CASC3: variants seen among roughly 807,000 people sequenced by gnomAD.
The protein encoded by CASC3 is protein CASC3.
CASC3 carries 30 observed loss-of-function variants against 80.5 expected under a neutral mutation model. The ratio of observed to expected loss-of-function variants is 0.37; its 90% CI spans 0.28 to 0.51. The LOEUF is 0.51. Ranked by LOEUF, CASC3 falls within the 20% of genes least tolerant of loss-of-function variation. The pLI is 0.94. For synonymous variants in CASC3, 312 were observed against 333.6 expected (o/e 0.94, Z 0.70); for missense variants, 824 against 922.2 (o/e 0.89, Z 1.38).
chr17:40,171,772 G>A lies in CASC3; in HGVS notation c.*1367G>A, dbSNP rs1039921490. ...GAACCTGAGGGCAAAGATGGTGGCT[G>A]TGTCTCTCCCCGGTAATGTCACTGT... On this transcript the variant is annotated 3_prime_UTR_variant, in exon 14 of 14. Coordinates refer to ENST00000264645, the MANE Select transcript of CASC3 (RefSeq NM_007359.5). 2 of 1,160,542 alleles carry A rather than the reference G, an allele frequency of 1.7e-6. No homozygotes were observed. Among genetic ancestry groups the A allele is most frequent in the South Asian group, 1.8e-5 (1 of 55,608 alleles). 71.9% of individuals were successfully genotyped at this position (1,160,542 alleles called of 1,614,324 possible).
At chr17:40,165,373 T>A (rs1043505541) in intron 7 of CASC3, among the ~76,000 whole-genome samples, 1 of 152,128 alleles carries the variant, frequency 6.6e-6, no homozygotes, top group Non-Finnish European at 1.5e-5. Context: ...CCCAGCTAAT[T>A]TTTAAAAAAT....
chr17:40,169,581 C>T lies in CASC3; in HGVS notation c.2089-17C>T. ...TTTGTTATGACCTGATAACAAATTC[C>T]AACTTTGTTATTTCAGGTTGTAAGC... On this transcript the variant is annotated splice_polypyrimidine_tract_variant and intron_variant, in intron 12 of 13. Transcript: ENST00000264645. 1.3e-6 allele frequency: 2 copies of T among 1,591,718 alleles called. No individual in the cohort carries two copies. Among genetic ancestry groups the T allele is most frequent in the Non-Finnish European group, 1.7e-6 (2 of 1,170,682 alleles).
intron 3 of CASC3, among the ~76,000 whole-genome samples, chr17:40,147,311 C>T (rs887903579): frequency 2.0e-5 from 3 of 152,218 alleles, no homozygotes; most frequent in South Asian, 4.2e-4. Context: ...GTACTAACAA[C>T]CCCTTCATTG....
chr17:40,172,113 G>T lies in CASC3; in HGVS notation c.*1708G>T. On this transcript the variant is annotated 3_prime_UTR_variant, in exon 14 of 14. Coordinates refer to ENST00000264645, the MANE Select transcript of CASC3 (RefSeq NM_007359.5). ...GTGTTTTTTGTTACTGTTTTAAAGG[G>T]TGCCCATTTGTGATCAGCATTGTGA... 2 of 1,289,924 alleles carry T rather than the reference G, an allele frequency of 1.6e-6. No homozygotes were observed. The highest frequency in any genetic ancestry group is 2.0e-6 in the Non-Finnish European group (2 of 988,848). The allele number at this position is 1,289,924 out of a possible 1,614,324, so 79.9% of individuals were successfully genotyped here.
chr17:40,164,271 T>A, intron 7 of CASC3, 105 bp downstream of exon 7: 5 of 979,868 alleles, frequency 5.1e-6, no homozygotes, highest in Non-Finnish European at 7.3e-6. Context: ...AATGTCTACT[T>A]CTTTTTTTTT....
At chr17:40,159,856 C>G (rs1598427565) in intron 3 of CASC3, among the ~76,000 whole-genome samples, 1 of 151,082 alleles carries the variant, frequency 6.6e-6, no homozygotes, top group African/African-American at 2.4e-5. Flanking sequence ...GCTGGGATTA[C>G]AAATTCATGC....
intron 3 of CASC3, among the ~76,000 whole-genome samples, chr17:40,146,760 A>G (rs906810973): frequency 6.6e-6 from 1 of 151,642 alleles, no homozygotes; most frequent in African/African-American, 2.4e-5. Context: ...TTTTAAAAAT[A>G]TTTTTAATAG....
At chr17:40,149,912 C>CA (rs1248007969) in intron 3 of CASC3, among the ~76,000 whole-genome samples, 5 of 143,838 alleles carry the variant, frequency 3.5e-5, no homozygotes, top group African/African-American at 1.3e-4. Context: ...GACTCCGTCT[C>CA]AAAAAAAAGG....
rs761471854 is a variant in CASC3 at position 40,161,745 on chromosome 17, T to G, written c.298-8T>G. ...TATATGCATCGCTGACAGGGAAACTTTTTTCAGGGTGAAGAAGGTGAATAC... is the reference window on the plus strand; with the variant it reads ...TATATGCATCGCTGACAGGGAAACTGTTTTCAGGGTGAAGAAGGTGAATAC... On this transcript the variant is annotated splice_polypyrimidine_tract_variant and splice_region_variant and intron_variant, in intron 3 of 13. Transcript: ENST00000264645. 18 of 1,613,458 alleles carry G rather than the reference T, an allele frequency of 1.1e-5. No homozygotes were observed. The highest frequency in any genetic ancestry group is 1.5e-5 in the Non-Finnish European group (18 of 1,179,786).
At chr17:40,150,044 AG>A (rs1435341145) in intron 3 of CASC3, among the ~76,000 whole-genome samples, 1 of 152,118 alleles carries the variant, frequency 6.6e-6, no homozygotes, top group Non-Finnish European at 1.5e-5. Context: ...TGGGAAGGAA[AG>A]GAAGTTAGCG....
At chr17:40,142,038 A>AT (rs1449048514) in intron 3 of CASC3, among the ~76,000 whole-genome samples, 2 of 152,026 alleles carry the variant, frequency 1.3e-5, no homozygotes, top group African/African-American at 4.8e-5. Context: ...ATAGGTGGGG[A>AT]TTTTTCTGTT....
intron 3 of CASC3, among the ~76,000 whole-genome samples, chr17:40,160,129 CT>C (rs1211032998): frequency 6.6e-6 from 1 of 152,104 alleles, no homozygotes; most frequent in Non-Finnish European, 1.5e-5. Context: ...AATTTCTGCT[CT>C]AAGCCATTTT....
chr17:40,169,230 C>G (rs1364559924), intron 11 of CASC3, 94 bp from the exon 12 acceptor site: 4 of 1,247,732 alleles, frequency 3.2e-6, no homozygotes, highest in Non-Finnish European at 4.2e-6. Context: ...TATAAATTCC[C>G]CAATTCTCTT....
chr17:40,163,834 C>T lies in CASC3; in HGVS notation c.1139C>T (p.Ala380Val). ...VLGSPEKEEA[A>V]SEPPAAAPDA... Reference sequence around the variant, plus strand: ...GGCAGTCCTGAGAAGGAAGAGGCAGCCTCAGAGCCACCAGCTGCTGCTCCT... The same window carrying T: ...GGCAGTCCTGAGAAGGAAGAGGCAGTCTCAGAGCCACCAGCTGCTGCTCCT... Residue 380 changes from alanine to valine, a missense_variant, in exon 7 of 14, where the codon GCC (alanine) becomes GTC (valine). Ala to Val is a moderately conservative substitution (Grantham distance 64). Transcript: ENST00000264645. 6.2e-7 allele frequency: 1 copy of T among 1,614,184 alleles called. No individual in the cohort carries two copies. Among genetic ancestry groups the T allele is most frequent in the Non-Finnish European group, 8.5e-7 (1 of 1,180,040 alleles).
chr17:40,169,482 T>C (rs201655813), intron 12 of CASC3, 36 bp downstream of exon 12: 91 of 1,587,450 alleles, frequency 5.7e-5, no homozygotes, highest in African/African-American at 6.8e-5. Context: ...ATGCACATGC[T>C]CCGTCAGTGG....
At chr17:40,167,996 T>G in intron 10 of CASC3, 48 bp downstream of exon 10, 1 of 1,552,156 alleles carries the variant, frequency 6.4e-7, no homozygotes, top group South Asian at 1.1e-5. Context: ...TGAGGATATA[T>G]GTTGGGAGTG....
At position 40,170,233 on chromosome 17, in the gene CASC3, C is replaced by G. The variant is rs560618328; in HGVS notation, c.*42-214C>G. Reference sequence around the variant, plus strand: ...CAAGGAAAAAATACAGGAAGGCAGTCAAGGAAAAGGGAAATCTAAATTTGA... The same window carrying G: ...CAAGGAAAAAATACAGGAAGGCAGTGAAGGAAAAGGGAAATCTAAATTTGA... On this transcript the variant is annotated intron_variant, in intron 13 of 13. Transcript: ENST00000264645. Among the ~76,000 whole-genome samples, 84 of 152,098 alleles carry G rather than the reference C, an allele frequency of 5.5e-4. 1 individual carries two copies. In the South Asian group the frequency reaches 0.017, roughly 31 times the overall value.
intron 13 of CASC3, among the ~76,000 whole-genome samples, chr17:40,170,156 A>G (rs1488185478): frequency 2.0e-5 from 3 of 152,168 alleles, no homozygotes; most frequent in Admixed American, 2.0e-4. Context: ...TGTATTGGGC[A>G]GGGTTGAAGT....
chr17:40,154,534 ATT>A (rs201636612), intron 3 of CASC3, among the ~76,000 whole-genome samples: 2 of 138,660 alleles, frequency 1.4e-5, no homozygotes, highest in Admixed American at 7.2e-5. Context: ...GCGCTTGGCC[ATT>A]TTTTTTTTTT....
Sources: allele counts gnomAD v4.1 joint callset (sites outside exome capture counted in the v4.1 genomes callset), GRCh38; gene constraint gnomAD v4.1.1; transcripts MANE v1.5; gene names NCBI Gene and HGNC (gene_info 2026-07-23, HGNC 2026-07-21).